TENM2: variants seen among roughly 807,000 people sequenced by gnomAD.
TENM2 encodes teneurin-2.
TENM2 carries 52 observed loss-of-function variants against 245.2 expected under a neutral mutation model. The observed-to-expected ratio is 0.21, with a 90% CI of 0.17 to 0.27. The LOEUF (loss-of-function observed/expected upper bound fraction) is 0.27, where lower values mean the gene tolerates loss of function less well. Among genes scored for constraint, TENM2 ranks in the 10% least tolerant of loss-of-function variants. The pLI, the probability that TENM2 is intolerant of heterozygous loss-of-function variation, is 1.00. For synonymous variants in TENM2, 1,363 were observed against 1,438.9 expected (o/e 0.95, Z 1.19); for missense variants, 3,046 against 3,666.8 (o/e 0.83, Z 4.37).
intron 19 of TENM2, among the ~76,000 whole-genome samples, chr5:168,211,294 C>G (rs1762786855): frequency 6.6e-6 from 1 of 152,236 alleles, no homozygotes; most frequent in African/African-American, 2.4e-5. Flanking sequence ...CCCTCCCACA[C>G]TCAGAGGGGA....
At chr5:167,299,907 G>A (rs951480505) in intron 1 of TENM2, among the ~76,000 whole-genome samples, 3 of 152,138 alleles carry the variant, frequency 2.0e-5, no homozygotes, top group Admixed American at 6.5e-5. Context: ...GTGTCAGGTG[G>A]GAGGAAGAAA....
At chr5:168,043,260 T>C (rs1788349716) in intron 5 of TENM2, among the ~76,000 whole-genome samples, 1 of 151,890 alleles carries the variant, frequency 6.6e-6, no homozygotes, top group Admixed American at 6.6e-5. Flanking sequence ...TTTAACTAAT[T>C]AAATTTTTGG....
intron 7 of TENM2, among the ~76,000 whole-genome samples, chr5:168,086,931 G>A (rs1792508824): frequency 6.6e-6 from 1 of 152,148 alleles, no homozygotes; most frequent in Admixed American, 6.5e-5. Flanking sequence ...TACAGCTTAG[G>A]AACCCTAGAG....
At chr5:167,304,495 C>A (rs899283247) in intron 1 of TENM2, among the ~76,000 whole-genome samples, 5 of 152,104 alleles carry the variant, frequency 3.3e-5, no homozygotes, top group Admixed American at 6.5e-5. Context: ...ATCTATAGGG[C>A]AGATGTGTAG....
chr5:167,230,991 G>A, the TENM2 span, among the ~76,000 whole-genome samples: 1 of 152,138 alleles, frequency 6.6e-6, no homozygotes, highest in African/African-American at 2.4e-5. Flanking sequence ...AGATCTGATG[G>A]TTTTATTACT....
chr5:167,296,957 T>G (rs1035410152), intron 1 of TENM2, among the ~76,000 whole-genome samples: 4 of 152,206 alleles, frequency 2.6e-5, no homozygotes, highest in Non-Finnish European at 4.4e-5. Flanking sequence ...TGGACTCTCC[T>G]GGGCAGTTCT....
chr5:167,366,056 AC>A (rs1431259571), intron 1 of TENM2, among the ~76,000 whole-genome samples: 1 of 151,900 alleles, frequency 6.6e-6, no homozygotes, highest in Admixed American at 6.6e-5. Context: ...AAAAACATAC[AC>A]AGACAGTAGG....
chr5:167,983,053 C>A (rs1030543356), intron 4 of TENM2, among the ~76,000 whole-genome samples: 1 of 152,130 alleles, frequency 6.6e-6, no homozygotes, highest in East Asian at 1.9e-4. Context: ...TAGTGCATAG[C>A]GAATTCAAGG....
At chr5:167,099,415 G>C in the TENM2 span, among the ~76,000 whole-genome samples, 1 of 152,170 alleles carries the variant, frequency 6.6e-6, no homozygotes, top group Non-Finnish European at 1.5e-5. Context: ...AATAAAACAG[G>C]CCGGGTGCAG....
At chr5:167,450,188 C>CA (rs1049654553) in intron 2 of TENM2, among the ~76,000 whole-genome samples, 18 of 152,160 alleles carry the variant, frequency 1.2e-4, no homozygotes, top group Admixed American at 6.5e-5. Flanking sequence ...TTATTTTCCT[C>CA]AAAAAATGCA....
chr5:166,988,395 A>G, the TENM2 span, among the ~76,000 whole-genome samples: 1 of 152,166 alleles, frequency 6.6e-6, no homozygotes, highest in Non-Finnish European at 1.5e-5. Flanking sequence ...GATTTATGAA[A>G]TTGTTTATCT....
At chr5:167,858,820 G>T (rs1372623028) in intron 2 of TENM2, among the ~76,000 whole-genome samples, 1 of 148,272 alleles carries the variant, frequency 6.7e-6, no homozygotes, top group East Asian at 2.0e-4. Flanking sequence ...AGCGCCGCCC[G>T]GGAGGCAGCG....
intron 2 of TENM2, among the ~76,000 whole-genome samples, chr5:167,501,625 C>T (rs1477097835): frequency 2.0e-5 from 3 of 152,156 alleles, no homozygotes; most frequent in Admixed American, 2.0e-4. Flanking sequence ...CCACTTTTCA[C>T]ATTACCCACT....
intron 2 of TENM2, among the ~76,000 whole-genome samples, chr5:167,743,093 T>C (rs918906984): frequency 6.6e-6 from 1 of 152,136 alleles, no homozygotes; most frequent in Non-Finnish European, 1.5e-5. Context: ...CAAAACAACA[T>C]ACACACCTAC....
the TENM2 span, among the ~76,000 whole-genome samples, chr5:167,096,634 GC>G: frequency 3.3e-5 from 5 of 152,148 alleles, no homozygotes; most frequent in African/African-American, 1.2e-4. Flanking sequence ...TTATAATTAA[GC>G]CATTCCAGAC....
intron 13 of TENM2, among the ~76,000 whole-genome samples, chr5:168,170,419 G>A (rs1581524610): frequency 6.6e-6 from 1 of 152,128 alleles, no homozygotes; most frequent in East Asian, 1.9e-4. Flanking sequence ...CATGAGAATC[G>A]CTTGAACCCA....
chr5:167,044,816 TAA>T, the TENM2 span, among the ~76,000 whole-genome samples: 1 of 152,332 alleles, frequency 6.6e-6, no homozygotes, highest in East Asian at 1.9e-4. Flanking sequence ...TAGTAAAATA[TAA>T]GTGACTTTGA....
intron 2 of TENM2, among the ~76,000 whole-genome samples, chr5:167,565,001 A>G (rs927908156): frequency 2.6e-5 from 4 of 152,250 alleles, no homozygotes; most frequent in African/African-American, 9.6e-5. Flanking sequence ...AGCATAAGGA[A>G]CTGCCACAGG....
At chr5:167,034,737 T>C in the TENM2 span, among the ~76,000 whole-genome samples, 1 of 151,970 alleles carries the variant, frequency 6.6e-6, no homozygotes, top group Non-Finnish European at 1.5e-5. Context: ...AGAGACTCTA[T>C]CTGTGTCGAC....
Sources: gnomAD v4.1 joint callset for allele counts (sites outside exome capture counted in the v4.1 genomes callset) on GRCh38, gnomAD v4.1.1 for gene constraint, MANE v1.5 for transcripts, NCBI Gene and HGNC (gene_info 2026-07-23, HGNC 2026-07-21) for gene names.